Variants in CHD9 observed in about 807,000 individuals in gnomAD.
CHD9 encodes the protein ATP-dependent chromatin remodeler CHD9.
Under a neutral mutation model 316.1 loss-of-function variants are expected in CHD9, and 77 were observed. The observed-to-expected ratio is 0.24, with a 90% confidence interval of 0.20 to 0.29. The LOEUF (loss-of-function observed/expected upper bound fraction) is 0.29. CHD9 is among the 10% of genes least tolerant of loss of function. The pLI is 1.00. For synonymous variants in CHD9, 1,129 were observed against 1,158.3 expected, an observed-to-expected ratio of 0.97 and a Z score of 0.51; for missense variants, 2,763 against 3,438.1, an observed-to-expected ratio of 0.80 and a Z score of 4.91.
At chr16:53,270,450 T>G (rs1416587550) in intron 22 of CHD9, among the ~76,000 whole-genome samples, 3 of 152,254 alleles carry the variant, frequency 2.0e-5, no homozygotes, top group Non-Finnish European at 4.4e-5. Flanking sequence ...GATACCTCTG[T>G]TAAATTAAAT....
chr16:53,215,346 G>A (rs188917826), intron 3 of CHD9, among the ~76,000 whole-genome samples: 189 of 152,252 alleles, frequency 1.2e-3, no homozygotes, highest in African/African-American at 4.4e-3. Flanking sequence ...TTCTGAAAAA[G>A]GATGTCCAAC....
chr16:53,256,538 G>T (rs150538769), intron 19 of CHD9, among the ~76,000 whole-genome samples: 5,275 of 150,734 alleles, frequency 0.035, 130 homozygotes, highest in Non-Finnish European at 0.057. Flanking sequence ...AGCCAGTCTG[G>T]TCTCAAACTC....
intron 12 of CHD9, 108 bp from the exon 13 acceptor site, chr16:53,242,732 A>C: frequency 1.0e-6 from 1 of 980,398 alleles, no homozygotes; most frequent in Non-Finnish European, 1.6e-6. Context: ...ATATGTAAAA[A>C]TTTCATTAGA....
chr16:53,224,783 A>G (rs2047511544), intron 4 of CHD9, among the ~76,000 whole-genome samples: 1 of 152,222 alleles, frequency 6.6e-6, no homozygotes, highest in Admixed American at 6.5e-5. Flanking sequence ...TAAGATCTAT[A>G]TGGTGCCCAT....
intron 2 of CHD9, among the ~76,000 whole-genome samples, chr16:53,204,841 G>T (rs945712475): frequency 1.4e-4 from 21 of 151,708 alleles, no homozygotes; most frequent in African/African-American, 5.1e-4. Flanking sequence ...TTGTTTATAT[G>T]TTTGTTTGTT....
chr16:53,116,985 A>G (rs2038358501), intron 1 of CHD9, among the ~76,000 whole-genome samples: 1 of 152,182 alleles, frequency 6.6e-6, no homozygotes, highest in African/African-American at 2.4e-5. Context: ...AGAAAACCAA[A>G]TACCACATGT....
chr16:53,068,060 T>G (rs891679542), intron 1 of CHD9, among the ~76,000 whole-genome samples: 8 of 152,066 alleles, frequency 5.3e-5, no homozygotes, highest in Non-Finnish European at 1.2e-4. Context: ...GTCTCAAAAA[T>G]AAATAAATAA....
At chr16:53,274,860 T>A (rs533462896) in intron 24 of CHD9, among the ~76,000 whole-genome samples, 1 of 152,220 alleles carries the variant, frequency 6.6e-6, no homozygotes, top group South Asian at 2.1e-4. Context: ...AGGTAGAAAA[T>A]CCATGAAACT....
chr16:53,119,268 A>G (rs1215411803), intron 1 of CHD9, among the ~76,000 whole-genome samples: 1 of 152,274 alleles, frequency 6.6e-6, no homozygotes, highest in South Asian at 2.1e-4. Flanking sequence ...TTATACCTCA[A>G]TAAAGCTGGG....
In CHD9 at chr16:53,163,103, G is replaced by A. The variant is rs144809748; in HGVS notation, c.1452+5562G>A. On this transcript the variant is annotated intron_variant, in intron 2 of 38. Transcript: ENST00000447540. ...TCAAAAATAATGTGAAGAATAAGTCGTTTGTAATATTATTACCAAAAGATA... is the reference window on the plus strand; with the variant it reads ...TCAAAAATAATGTGAAGAATAAGTCATTTGTAATATTATTACCAAAAGATA... Among the ~76,000 whole-genome samples, 408 of 152,130 alleles carry A rather than the reference G, an allele frequency of 2.7e-3. 2 individuals carry two copies. Among genetic ancestry groups the A allele is most frequent in the Middle Eastern group, 3.4e-3 (1 of 294 alleles).
intron 19 of CHD9, among the ~76,000 whole-genome samples, chr16:53,259,470 T>C (rs1463994785): frequency 6.6e-6 from 1 of 152,094 alleles, no homozygotes; most frequent in Non-Finnish European, 1.5e-5. Context: ...AATTACTTCA[T>C]GTTTAATCGT....
intron 1 of CHD9, among the ~76,000 whole-genome samples, chr16:53,121,017 AAAAC>A (rs563838441): frequency 4.1e-4 from 63 of 152,360 alleles, no homozygotes; most frequent in African/African-American, 1.3e-3. Context: ...AAAACAAACA[AAAAC>A]AAACAAACAA....
At chr16:53,230,440 G>A (rs2048068882) in intron 8 of CHD9, among the ~76,000 whole-genome samples, 1 of 152,074 alleles carries the variant, frequency 6.6e-6, no homozygotes, top group Non-Finnish European at 1.5e-5. Context: ...GCCAACATAT[G>A]AGACCTCCAT....
At chr16:53,258,472 T>A (rs557403932) in intron 19 of CHD9, among the ~76,000 whole-genome samples, 9 of 152,252 alleles carry the variant, frequency 5.9e-5, no homozygotes, top group Non-Finnish European at 1.3e-4. Context: ...ATTTGTTCAT[T>A]CCCATAGTTG....
chr16:53,192,077 A>C (rs981752689), intron 2 of CHD9, among the ~76,000 whole-genome samples: 2 of 151,904 alleles, frequency 1.3e-5, no homozygotes, highest in Admixed American at 6.6e-5. Context: ...AAAAAAAAAA[A>C]AAAAAACAGT....
At position 53,280,583 on chromosome 16, in the gene CHD9, G is replaced by A. The variant is rs1346940525; in HGVS notation, c.4968-5013G>A. Among the ~76,000 whole-genome samples the A allele has an allele frequency of 2.6e-5, 4 of 151,720 alleles. No homozygotes were observed. The East Asian group carries it at 5.8e-4, about 22-fold the overall frequency. ...AAATTGGGTGCGGTGTATACTGCTC[G>A]GGAGATGGGTGCACCAAAATCTCAC... On this transcript the variant is annotated intron_variant, in intron 24 of 38. Coordinates refer to ENST00000447540, the MANE Select transcript of CHD9 (RefSeq NM_001308319.2).
chr16:53,252,278 A>G (rs4784299), intron 17 of CHD9, among the ~76,000 whole-genome samples: 152,300 of 152,302 alleles, frequency 1, 76,149 homozygotes, highest in Middle Eastern at 1. Flanking sequence ...CTTTGACAAA[A>G]CAAACAAAAA....
intron 3 of CHD9, among the ~76,000 whole-genome samples, chr16:53,220,559 C>T (rs1030192431): frequency 6.6e-6 from 1 of 152,140 alleles, no homozygotes; most frequent in African/African-American, 2.4e-5. Flanking sequence ...ATCACATTGC[C>T]CCCTTGCTTA....
chr16:53,232,309 T>G (rs1361700296), intron 10 of CHD9, among the ~76,000 whole-genome samples: 1 of 152,092 alleles, frequency 6.6e-6, no homozygotes, highest in Non-Finnish European at 1.5e-5. Flanking sequence ...TATGCCTTAG[T>G]GGTAATATTA....
Sources: gnomAD v4.1 joint callset for allele counts (sites outside exome capture counted in the v4.1 genomes callset) on GRCh38, gnomAD v4.1.1 for gene constraint, MANE v1.5 for transcripts, NCBI Gene and HGNC (gene_info 2026-07-23, HGNC 2026-07-21) for gene names.